Variants in TMCC1 observed in about 807,000 individuals in gnomAD.
The protein encoded by TMCC1 is transmembrane and coiled-coil domains protein 1.
A neutral mutation model predicts 52.4 loss-of-function variants in TMCC1; 15 were observed. That is an observed-to-expected ratio of 0.29 (90% confidence interval 0.19 to 0.44). The LOEUF (loss-of-function observed/expected upper bound fraction) is 0.44. TMCC1 is among the 20% of genes least tolerant of loss of function. The pLI is 1.00. For missense variants in TMCC1, 503 were observed against 806.0 expected, an observed-to-expected ratio of 0.62 and a Z score of 4.55; for synonymous variants, 279 against 301.9, an observed-to-expected ratio of 0.92 and a Z score of 0.79.
At chr3:129,704,219 A>G (rs2048046491) in intron 4 of TMCC1, among the ~76,000 whole-genome samples, 1 of 152,344 alleles carries the variant, frequency 6.6e-6, no homozygotes, top group South Asian at 2.1e-4. Flanking sequence ...AGATATTTTG[A>G]ACTGCAGTAA....
At chr3:129,766,540 TA>T (rs1256737828) in intron 4 of TMCC1, among the ~76,000 whole-genome samples, 2 of 152,236 alleles carry the variant, frequency 1.3e-5, no homozygotes, top group Non-Finnish European at 2.9e-5. Context: ...TAACAAATGT[TA>T]GCTATTATTA....
chr3:129,667,716 A>C (rs1355135945), intron 5 of TMCC1, among the ~76,000 whole-genome samples: 6 of 152,192 alleles, frequency 3.9e-5, no homozygotes, highest in Admixed American at 1.3e-4. Context: ...TGAGCAGCTA[A>C]CGTTCTGTCC....
At chr3:129,659,455 A>G (rs1038276513) in intron 5 of TMCC1, among the ~76,000 whole-genome samples, 11 of 152,164 alleles carry the variant, frequency 7.2e-5, no homozygotes, top group African/African-American at 2.7e-4. Flanking sequence ...TTCACAACGT[A>G]TTGATTTTAA....
chr3:129,767,298 T>C (rs1462305407), intron 4 of TMCC1, among the ~76,000 whole-genome samples: 1 of 151,326 alleles, frequency 6.6e-6, no homozygotes, highest in African/African-American at 2.4e-5. Context: ...ATGCATTGTA[T>C]AATTTATCCA....
intron 4 of TMCC1, among the ~76,000 whole-genome samples, chr3:129,742,227 G>T (rs1482530988): frequency 6.6e-6 from 1 of 151,892 alleles, no homozygotes; most frequent in Non-Finnish European, 1.5e-5. Flanking sequence ...AAAAAAAATA[G>T]ATATGATCAA....
chr3:129,840,344 A>AAG (rs34487217), intron 2 of TMCC1, among the ~76,000 whole-genome samples: 1 of 150,350 alleles, frequency 6.7e-6, no homozygotes, highest in East Asian at 1.9e-4. Flanking sequence ...AAAAAAAAAA[A>AAG]GCAAGATCAA....
At chr3:129,681,644 A>G (rs1378459791) in intron 4 of TMCC1, among the ~76,000 whole-genome samples, 2 of 152,126 alleles carry the variant, frequency 1.3e-5, no homozygotes, top group African/African-American at 4.8e-5. Flanking sequence ...GCAGTGGCTC[A>G]CGTCTGTAAT....
intron 4 of TMCC1, among the ~76,000 whole-genome samples, chr3:129,731,204 C>T (rs1205512032): frequency 1.3e-5 from 2 of 152,100 alleles, no homozygotes; most frequent in Non-Finnish European, 2.9e-5. Flanking sequence ...CAACATTAGC[C>T]CAGAGAAGCA....
chr3:129,737,181 G>A (rs2051042356), intron 4 of TMCC1, among the ~76,000 whole-genome samples: 1 of 152,026 alleles, frequency 6.6e-6, no homozygotes, highest in Non-Finnish European at 1.5e-5. Context: ...AGAGGCTAGA[G>A]GGGGGCCGGG....
intron 1 of TMCC1, among the ~76,000 whole-genome samples, chr3:129,880,855 AT>A (rs930055454): frequency 6.8e-6 from 1 of 147,828 alleles, no homozygotes; most frequent in African/African-American, 2.5e-5. Flanking sequence ...CAGGCTGCAA[AT>A]TTTTTTTCTT....
chr3:129,872,841 G>A (rs1324774955), intron 2 of TMCC1, among the ~76,000 whole-genome samples: 1 of 151,846 alleles, frequency 6.6e-6, no homozygotes, highest in Non-Finnish European at 1.5e-5. Context: ...AGATTTCCTG[G>A]GGTTTTTTAA....
intron 2 of TMCC1, among the ~76,000 whole-genome samples, chr3:129,836,780 A>T (rs2059179244): frequency 6.6e-6 from 1 of 152,230 alleles, no homozygotes. Context: ...GAAGTCCTCG[A>T]GGGCTGCAAT....
chr3:129,790,195 A>G (rs763267536), intron 4 of TMCC1, among the ~76,000 whole-genome samples: 1 of 152,262 alleles, frequency 6.6e-6, no homozygotes, highest in African/African-American at 2.4e-5. Flanking sequence ...TAAGTCTCAC[A>G]TGAAAACGTG....
chr3:129,727,988 TA>T (rs370896282), intron 4 of TMCC1, among the ~76,000 whole-genome samples: 29 of 152,288 alleles, frequency 1.9e-4, no homozygotes, highest in African/African-American at 6.3e-4. Context: ...GCAGCTAACA[TA>T]AACAGCTAGC....
chr3:129,832,156 C>T (rs997729866), intron 3 of TMCC1, among the ~76,000 whole-genome samples: 4 of 152,112 alleles, frequency 2.6e-5, no homozygotes, highest in African/African-American at 9.7e-5. Context: ...CGCGCCCCAC[C>T]CAACTAACTA....
intron 1 of TMCC1, among the ~76,000 whole-genome samples, chr3:129,891,035 G>A (rs1331475937): frequency 6.6e-6 from 1 of 152,216 alleles, no homozygotes; most frequent in Non-Finnish European, 1.5e-5. Flanking sequence ...TGTTATGTGG[G>A]GAAGTTCAAC....
At chr3:129,869,714 G>C (rs1350512572) in intron 2 of TMCC1, among the ~76,000 whole-genome samples, 1 of 152,184 alleles carries the variant, frequency 6.6e-6, no homozygotes, top group Non-Finnish European at 1.5e-5. Flanking sequence ...TGTATTTGTT[G>C]ATATAACCTC....
intron 2 of TMCC1, among the ~76,000 whole-genome samples, chr3:129,863,736 C>T (rs1442092583): frequency 6.6e-6 from 1 of 152,092 alleles, no homozygotes; most frequent in African/African-American, 2.4e-5. Context: ...GTGGCGCGCA[C>T]CTGTAATCTC....
chr3:129,763,197 C>CAAAAAAAAAA (rs1553860522), intron 4 of TMCC1, among the ~76,000 whole-genome samples: 1 of 122,600 alleles, frequency 8.2e-6, no homozygotes, highest in African/African-American at 3.5e-5. Flanking sequence ...GACTCTGTCT[C>CAAAAAAAAAA]AAAAAATAAA....
Sources: gnomAD v4.1 joint callset for allele counts (sites outside exome capture counted in the v4.1 genomes callset) on GRCh38, gnomAD v4.1.1 for gene constraint, MANE v1.5 for transcripts, NCBI Gene and HGNC (gene_info 2026-07-23, HGNC 2026-07-21) for gene names.